Variants in MAP3K8 observed in about 807,000 individuals in gnomAD.
MAP3K8 encodes mitogen-activated protein kinase kinase kinase 8, also known as Ewing sarcoma transformant.
In MAP3K8, 22 loss-of-function variants were observed where a neutral mutation model predicts 45.8. The observed-to-expected ratio is 0.48, with a 90% CI of 0.34 to 0.69. The LOEUF is 0.69. MAP3K8 is among the 30% of genes least tolerant of loss of function. The pLI is 0.01. For synonymous variants in MAP3K8, 223 were observed against 214.3 expected (o/e 1.04, Z -0.36); for missense variants, 419 against 585.0 (o/e 0.72, Z 2.93).
At chr10:30,442,293 A>T (rs1465704222) in intron 3 of MAP3K8, among the ~76,000 whole-genome samples, 2 of 152,214 alleles carry the variant, frequency 1.3e-5, no homozygotes, top group Admixed American at 6.5e-5. Context: ...AGGAAGGAGA[A>T]TGTCAGCACA....
At position 30,438,954 on chromosome 10, in the gene MAP3K8, A is replaced by C. The variant is rs1836002599; in HGVS notation, c.16A>C (p.Thr6Pro). Residue 6 changes from threonine to proline, a missense_variant, in exon 3 of 9, where the codon ACT becomes CCT. Coordinates refer to ENST00000263056, the MANE Select transcript of MAP3K8 (RefSeq NM_005204.4). Reference sequence around the variant, plus strand: ...AGCAACAGTAATGGAGTACATGAGCACTGGAAGTGACAATAAAGAAGAGAT... The same window carrying C: ...AGCAACAGTAATGGAGTACATGAGCCCTGGAAGTGACAATAAAGAAGAGAT... MEYMS[T>P]GSDNKEEIDL... 6.2e-7 allele frequency: 1 copy of C among 1,608,682 alleles called. No homozygotes were observed. The highest frequency in any genetic ancestry group is 8.5e-7 in the Non-Finnish European group (1 of 1,175,890).
chr10:30,460,783 C>T lies in MAP3K8; in HGVS notation c.1351C>T (p.Leu451=). ...QRSLYIDLGA[L]AGYFNLVRGP... The stretch of plus-strand genomic sequence containing the variant: ...CTCTCTCTACATCGACCTCGGCGCT[C>T]TGGCTGGCTACTTCAATCTTGTTCG... The change falls in exon 9 of 9, where the codon CTG becomes TTG. Residue 451 remains leucine (L), a synonymous_variant. Coordinates refer to ENST00000263056, the MANE Select transcript of MAP3K8 (RefSeq NM_005204.4). The T allele has an allele frequency of 5.0e-6, 8 of 1,614,064 alleles. No homozygotes were observed. In the South Asian group the frequency reaches 8.8e-5, roughly 18 times the overall value.
chr10:30,458,813 G>A (rs8177028), intron 7 of MAP3K8, among the ~76,000 whole-genome samples: 1,524 of 152,292 alleles, frequency 0.01, 27 homozygotes, highest in African/African-American at 0.034. Context: ...GGTGGCTCAC[G>A]CCTGTAATCT....
intron 3 of MAP3K8, among the ~76,000 whole-genome samples, chr10:30,446,671 T>G (rs753575969): frequency 6.6e-6 from 1 of 152,174 alleles, no homozygotes; most frequent in South Asian, 2.1e-4. Context: ...TCTGGACATG[T>G]TACAGGCACG....
chr10:30,460,945 C>A lies in MAP3K8; in HGVS notation c.*109C>A. ...GTGAATGGTGCCATTTTCGAAGGAG[C>A]AGTGTGACCTCCTGTGACCCGTGAA... On this transcript the variant is annotated 3_prime_UTR_variant, in exon 9 of 9. Transcript: ENST00000263056. The A allele has an allele frequency of 1.4e-6, 2 of 1,395,558 alleles. No individual in the cohort carries two copies. Among genetic ancestry groups the A allele is most frequent in the Non-Finnish European group, 1.9e-6 (2 of 1,036,788 alleles). 86.4% of individuals were successfully genotyped at this position (1,395,558 alleles called of 1,614,324 possible). A position where few individuals can be genotyped will look rare whatever the true frequency, so the allele number is the denominator to read the frequency against.
chr10:30,435,905 A>G (rs926895015), intron 1 of MAP3K8, among the ~76,000 whole-genome samples: 4 of 152,248 alleles, frequency 2.6e-5, no homozygotes, highest in East Asian at 1.9e-4. Flanking sequence ...AGGCAGAAGC[A>G]TATGCTGTTA....
At chr10:30,443,519 G>A (rs1205991899) in intron 3 of MAP3K8, among the ~76,000 whole-genome samples, 1 of 152,110 alleles carries the variant, frequency 6.6e-6, no homozygotes. Flanking sequence ...CATCATCTGG[G>A]CAGGACCCTG....
chr10:30,436,932 A>C (rs1383377028), intron 1 of MAP3K8, among the ~76,000 whole-genome samples: 1 of 151,760 alleles, frequency 6.6e-6, no homozygotes, highest in Non-Finnish European at 1.5e-5. Context: ...TAAATTCGAC[A>C]AGCAGAAACT....
chr10:30,440,213 A>G (rs1389423682), intron 3 of MAP3K8, among the ~76,000 whole-genome samples: 1 of 152,238 alleles, frequency 6.6e-6, no homozygotes, highest in Admixed American at 6.5e-5. Flanking sequence ...AGTATGTCAG[A>G]GGTGAACGTA....
Position 30,439,137 on chromosome 10 carries a change from G to C in MAP3K8, c.199G>C (p.Gly67Arg). Residue 67 changes from glycine (G) to arginine (R), a missense_variant, in exon 3 of 9, where the codon GGC becomes CGC. This residue lies in a region of MAP3K8 where 102 missense variants were observed against 93.5 expected (regional missense o/e 1.09). Coordinates refer to ENST00000263056, the MANE Select transcript of MAP3K8 (RefSeq NM_005204.4). ...DERSKSLLLS[G>R]QEVPWLSSVR... Reference sequence around the variant, plus strand: ...GCGTTCTAAGTCTCTGCTGCTTAGTGGCCAAGAGGTACCATGGTTGTCATC... The same window carrying C: ...GCGTTCTAAGTCTCTGCTGCTTAGTCGCCAAGAGGTACCATGGTTGTCATC... The C allele has an allele frequency of 3.1e-6, 5 of 1,614,198 alleles. No homozygotes were observed. Among genetic ancestry groups the C allele is most frequent in the Non-Finnish European group, 3.4e-6 (4 of 1,180,030 alleles).
Position 30,438,960 on chromosome 10 carries a change from A to G in MAP3K8, c.22A>G (p.Ser8Gly), listed in dbSNP as rs1836002784. MEYMSTG[S>G]DNKEEIDLLI... Reference sequence around the variant, plus strand: ...AGTAATGGAGTACATGAGCACTGGAAGTGACAATAAAGAAGAGATTGATTT... The same window carrying G: ...AGTAATGGAGTACATGAGCACTGGAGGTGACAATAAAGAAGAGATTGATTT... The change falls in exon 3 of 9, where the codon AGT (serine) becomes GGT (glycine). Residue 8 changes from serine (S) to glycine (G), a missense_variant. By Grantham distance (56) the Ser-to-Gly change is moderately conservative (BLOSUM62 0). This residue lies in a region of MAP3K8 where 102 missense variants were observed against 93.5 expected (regional missense o/e 1.09). Coordinates refer to ENST00000263056, the MANE Select transcript of MAP3K8 (RefSeq NM_005204.4). 6.2e-7 allele frequency: 1 copy of G among 1,609,588 alleles called. No individual in the cohort carries two copies. The highest frequency in any genetic ancestry group is 8.5e-7 in the Non-Finnish European group (1 of 1,176,644).
At chr10:30,434,112 C>G (rs868177308), upstream of MAP3K8, 4 of 153,584 alleles carry the variant, frequency 2.6e-5, no homozygotes, top group Admixed American at 2.0e-4. Context: ...CTGCGCCGCC[C>G]CTGGGCAGGC....
chr10:30,441,658 G>A (rs560235572), intron 3 of MAP3K8, among the ~76,000 whole-genome samples: 16 of 152,258 alleles, frequency 1.1e-4, no homozygotes, highest in African/African-American at 3.4e-4. Flanking sequence ...AGTGGTCGAT[G>A]GCTCTGGGGG....
chr10:30,443,346 G>A (rs934207462), intron 3 of MAP3K8, among the ~76,000 whole-genome samples: 3 of 152,178 alleles, frequency 2.0e-5, no homozygotes, highest in African/African-American at 7.2e-5. Context: ...AAATGAACTC[G>A]AGGCATTGTG....
chr10:30,448,422 T>C (rs1464389855), intron 4 of MAP3K8, among the ~76,000 whole-genome samples: 1 of 148,136 alleles, frequency 6.8e-6, no homozygotes, highest in African/African-American at 2.5e-5. Flanking sequence ...AATTTATTAT[T>C]ATTATTATTA....
At position 30,439,250 on chromosome 10, in the gene MAP3K8, G is replaced by A; in HGVS notation, c.312G>A (p.Gln104=). Residue 104 remains glutamine, a synonymous_variant, in exon 3 of 9, where the codon CAG becomes CAA. Coordinates refer to ENST00000263056, the MANE Select transcript of MAP3K8 (RefSeq NM_005204.4). ...AGCATTTTTATGGACAACGACCACA[G>A]GAATCTGGAATTTTATTAAACATGG... ...TAKHFYGQRP[Q]ESGILLNMVI... 6.2e-7 allele frequency: 1 copy of A among 1,614,186 alleles called. No homozygotes were observed. The highest frequency in any genetic ancestry group is 8.5e-7 in the Non-Finnish European group (1 of 1,180,038).
intron 3 of MAP3K8, among the ~76,000 whole-genome samples, chr10:30,446,804 T>A (rs1836356569): frequency 6.6e-6 from 1 of 152,212 alleles, no homozygotes; most frequent in African/African-American, 2.4e-5. Flanking sequence ...AATACACAGA[T>A]GTTAAATGTC....
rs112441933 is a variant in MAP3K8, at chr10:30,447,820, C to T, written c.375C>T (p.Ser125=). Residue 125 remains serine, a synonymous_variant, in exon 4 of 9, where the codon TCC becomes TCT. Transcript: ENST00000263056. Reference sequence around the variant, plus strand: ...AAAATGGACGTTACCAAATAGATTCCGATGTTCTCCTGATCCCCTGGAAGC... The same window carrying T: ...AAAATGGACGTTACCAAATAGATTCTGATGTTCTCCTGATCCCCTGGAAGC... ...TPQNGRYQID[S]DVLLIPWKLT... 1.5e-4 allele frequency: 234 copies of T among 1,613,684 alleles called. 2 individuals are homozygous for T. Among genetic ancestry groups the T allele is most frequent in the African/African-American group, 9.9e-4 (74 of 75,008 alleles).
Position 30,438,974 on chromosome 10 carries a change from A to G in MAP3K8, c.36A>G (p.Glu12=), listed in dbSNP as rs756102760. ...TGAGCACTGGAAGTGACAATAAAGA[A>G]GAGATTGATTTATTAATTAAACATT... ...EYMSTGSDNK[E]EIDLLIKHLN... The change falls in exon 3 of 9, where the codon GAA becomes GAG. Residue 12 remains glutamate, a synonymous_variant. Transcript: ENST00000263056. The G allele has an allele frequency of 1.2e-6, 2 of 1,611,942 alleles. No individual in the cohort carries two copies. Among genetic ancestry groups the G allele is most frequent in the African/African-American group, 2.7e-5 (2 of 74,882 alleles).
Sources: gnomAD v4.1 joint callset for allele counts (sites outside exome capture counted in the v4.1 genomes callset) on GRCh38, gnomAD v4.1.1 for gene constraint, gnomAD v4.1.1 regional missense constraint, MANE v1.5 for transcripts, NCBI Gene and HGNC (gene_info 2026-07-23, HGNC 2026-07-21) for gene names.